The following MGAT4C variants were observed in gnomAD, a reference collection of about 807,000 sequenced individuals.
MGAT4C encodes alpha-1,3-mannosyl-glycoprotein 4-beta-N-acetylglucosaminyltransferase C.
A neutral mutation model predicts 40.1 loss-of-function variants in MGAT4C; 19 were observed. The observed-to-expected ratio is 0.47, with a 90% CI of 0.33 to 0.70. MGAT4C has a LOEUF of 0.70. Among genes scored for constraint, MGAT4C ranks in the 30% least tolerant of loss-of-function variants. The pLI is 0.02. For synonymous variants in MGAT4C, 181 were observed against 187.1 expected (o/e 0.97, Z 0.27); for missense variants, 491 against 563.2 (o/e 0.87, Z 1.30).
chr12:86,521,383 T>C (rs999535361), intron 2 of MGAT4C, among the ~76,000 whole-genome samples: 2 of 152,138 alleles, frequency 1.3e-5, no homozygotes, highest in African/African-American at 2.4e-5. Context: ...TAGTGCTAGG[T>C]ATGTGGCCGT....
chr12:86,173,511 G>A (rs1887069230), intron 1 of MGAT4C, among the ~76,000 whole-genome samples: 1 of 151,924 alleles, frequency 6.6e-6, no homozygotes. Flanking sequence ...AGATCAGCAG[G>A]AATTGGTCGC....
intron 1 of MGAT4C, among the ~76,000 whole-genome samples, chr12:86,736,308 C>G (rs1209676152): frequency 6.6e-6 from 1 of 151,734 alleles, no homozygotes; most frequent in Non-Finnish European, 1.5e-5. Flanking sequence ...TTTTTCAGCT[C>G]AATCCCTCTT....
chr12:86,119,722 C>CTTTTT (rs11306440), intron 1 of MGAT4C, among the ~76,000 whole-genome samples: 1 of 122,148 alleles, frequency 8.2e-6, no homozygotes, highest in Non-Finnish European at 1.7e-5. Context: ...TCCCACCATT[C>CTTTTT]TTTTTTTTTT....
chr12:86,496,380 T>C (rs567987495), intron 2 of MGAT4C, among the ~76,000 whole-genome samples: 1 of 152,156 alleles, frequency 6.6e-6, no homozygotes, highest in African/African-American at 2.4e-5. Context: ...ATGAGCGTAA[T>C]AATTATTAGA....
At chr12:86,721,056 C>T (rs989605806) in intron 2 of MGAT4C, among the ~76,000 whole-genome samples, 1 of 152,072 alleles carries the variant, frequency 6.6e-6, no homozygotes, top group East Asian at 1.9e-4. Context: ...TCAAGAATCT[C>T]ATATGTGTTT....
At chr12:86,216,480 T>A (rs1271195249) in intron 1 of MGAT4C, among the ~76,000 whole-genome samples, 1 of 152,210 alleles carries the variant, frequency 6.6e-6, no homozygotes. Context: ...GATCTAGAAG[T>A]TTTTTAAGAA....
intron 1 of MGAT4C, among the ~76,000 whole-genome samples, chr12:86,746,387 G>T (rs1951152928): frequency 2.6e-5 from 4 of 151,462 alleles, no homozygotes; most frequent in African/African-American, 9.7e-5. Context: ...TATTTATGTT[G>T]CTCAGGAGAC....
At chr12:86,823,197 A>T (rs559090521) in intron 1 of MGAT4C, among the ~76,000 whole-genome samples, 1 of 151,208 alleles carries the variant, frequency 6.6e-6, no homozygotes, top group South Asian at 2.1e-4. Flanking sequence ...AGATAATCAA[A>T]TTGCACATTT....
chr12:86,678,794 G>A (rs1949918225), intron 2 of MGAT4C, among the ~76,000 whole-genome samples: 1 of 152,062 alleles, frequency 6.6e-6, no homozygotes, highest in Admixed American at 6.6e-5. Context: ...ATTCCATGGT[G>A]TATATGTGCC....
rs57791582 is a variant in MGAT4C, at chr12:86,782,171, A to ATTT, written c.-261-54933_-261-54931dup. On this transcript the variant is annotated intron_variant, in intron 1 of 7. Transcript: ENST00000548651. ...CCACGCCTGGCTAAATGTTTTTTGT[A>ATTT]TTTTTTTTTTTTTTTTTTTTTTTTT... Among the ~76,000 whole-genome samples the ATTT allele has an allele frequency of 4.6e-3, 185 of 40,294 alleles. 46 individuals are homozygous for ATTT. Among genetic ancestry groups the ATTT allele is most frequent in the Admixed American group, 9.5e-3 (20 of 2,110 alleles). The allele number at this position is 40,294 out of a possible 152,430, so 26.4% of individuals were successfully genotyped here.
At chr12:86,655,891 G>A (rs1473934773) in intron 2 of MGAT4C, among the ~76,000 whole-genome samples, 1 of 152,056 alleles carries the variant, frequency 6.6e-6, no homozygotes, top group Non-Finnish European at 1.5e-5. Context: ...CTCACACGAG[G>A]AGGGTTGAAT....
At chr12:86,265,347 A>G (rs912732761) in intron 4 of MGAT4C, among the ~76,000 whole-genome samples, 1 of 152,092 alleles carries the variant, frequency 6.6e-6, no homozygotes, top group Admixed American at 6.5e-5. Context: ...ACAACACCCC[A>G]AGGATCCTGT....
At chr12:86,164,184 C>A (rs773587942) in intron 1 of MGAT4C, among the ~76,000 whole-genome samples, 3 of 152,072 alleles carry the variant, frequency 2.0e-5, no homozygotes, top group African/African-American at 4.8e-5. Context: ...TAAAGGACAG[C>A]TTTTAAAAGG....
rs550405774 is a variant in MGAT4C, at chr12:86,338,776, A to G, written c.-119-4649T>C. Among the ~76,000 whole-genome samples, 3 of 152,072 alleles carry G rather than the reference A, an allele frequency of 2.0e-5. No individual in the cohort carries two copies. The East Asian group carries it at 5.8e-4, about 30-fold the overall frequency. ...GGAGTTTGAGACCAGCCTGGCCAAC[A>G]TCGTGAAACCCCATCTCTACAAAAA... On this transcript the variant is annotated intron_variant, in intron 3 of 7. Transcript: ENST00000548651.
chr12:86,720,687 G>A (rs1291550225), intron 2 of MGAT4C, among the ~76,000 whole-genome samples: 10 of 152,064 alleles, frequency 6.6e-5, no homozygotes, highest in East Asian at 1.9e-4. Context: ...CATGATTTAC[G>A]ACCTTAAGGC....
chr12:86,096,178 T>G (rs1873876171), intron 1 of MGAT4C, among the ~76,000 whole-genome samples: 1 of 151,742 alleles, frequency 6.6e-6, no homozygotes, highest in African/African-American at 2.4e-5. Flanking sequence ...ATTTCATCAT[T>G]TTTGCCTTAA....
chr12:86,447,935 A>G (rs534035690), intron 2 of MGAT4C, among the ~76,000 whole-genome samples: 1 of 152,086 alleles, frequency 6.6e-6, no homozygotes, highest in Non-Finnish European at 1.5e-5. Context: ...TGCCCTGCCC[A>G]TTTTCCTTCA....
intron 1 of MGAT4C, among the ~76,000 whole-genome samples, chr12:86,809,712 T>C (rs1191819131): frequency 2.0e-5 from 3 of 152,052 alleles, no homozygotes; most frequent in Non-Finnish European, 2.9e-5. Flanking sequence ...TTAGATTTTT[T>C]GGCTTGTTTG....
At chr12:86,611,320 G>T (rs1486849558) in intron 2 of MGAT4C, among the ~76,000 whole-genome samples, 1 of 151,838 alleles carries the variant, frequency 6.6e-6, no homozygotes, top group Admixed American at 6.6e-5. Flanking sequence ...GCAAAGACGT[G>T]CAGACACACA....
Sources: allele counts gnomAD v4.1 joint callset (sites outside exome capture counted in the v4.1 genomes callset), GRCh38; gene constraint gnomAD v4.1.1; transcripts MANE v1.5; gene names NCBI Gene and HGNC (gene_info 2026-07-23, HGNC 2026-07-21).